MAGI1: variants seen among roughly 807,000 people sequenced by gnomAD.
The protein encoded by MAGI1 is membrane associated guanylate kinase, WW and PDZ domain containing 1, also known as membrane-associated guanylate kinase, WW and PDZ domain-containing protein 1.
MAGI1 carries 58 observed loss-of-function variants against 139.9 expected under a neutral mutation model. The observed-to-expected ratio is 0.41, with a 90% CI of 0.34 to 0.52. The LOEUF (loss-of-function observed/expected upper bound fraction) is 0.52. Among genes scored for constraint, MAGI1 ranks in the 20% least tolerant of loss-of-function variants. MAGI1 has a pLI of 0.12. For synonymous variants in MAGI1, 812 were observed against 737.9 expected (o/e 1.10, Z -1.63); for missense variants, 1,874 against 1,901.6 (o/e 0.99, Z 0.27).
intron 2 of MAGI1, among the ~76,000 whole-genome samples, chr3:65,602,796 C>T (rs548345945): frequency 6.6e-6 from 1 of 151,750 alleles, no homozygotes; most frequent in Admixed American, 6.6e-5. Flanking sequence ...AAAATAGAGA[C>T]AAAAACTGTT....
At chr3:65,915,988 TATA>T (rs1054581308) in intron 1 of MAGI1, among the ~76,000 whole-genome samples, 15 of 148,800 alleles carry the variant, frequency 1.0e-4, no homozygotes, top group Admixed American at 3.4e-4. Flanking sequence ...TGTGAATATA[TATA>T]ATATGTATAT....
At chr3:65,648,238 G>C (rs1294047651) in intron 1 of MAGI1, among the ~76,000 whole-genome samples, 7 of 151,370 alleles carry the variant, frequency 4.6e-5, no homozygotes, top group African/African-American at 1.7e-4. Flanking sequence ...TCAACCTTTT[G>C]AGCTCAAGCA....
At chr3:65,615,011 G>A (rs1220299855) in intron 2 of MAGI1, among the ~76,000 whole-genome samples, 2 of 147,884 alleles carry the variant, frequency 1.4e-5, no homozygotes, top group East Asian at 4.0e-4. Flanking sequence ...GACAGAGTGA[G>A]ACTGTGTCTC....
intron 1 of MAGI1, chr3:65,688,479 A>G (rs1191823508): frequency 8.7e-6 from 4 of 459,464 alleles, no homozygotes; most frequent in African/African-American, 4.0e-5. Context: ...CCTTCCCTTC[A>G]CTCCCTTTCC....
intron 1 of MAGI1, among the ~76,000 whole-genome samples, chr3:65,638,821 G>A: frequency 6.6e-6 from 1 of 151,732 alleles, no homozygotes; most frequent in Non-Finnish European, 1.5e-5. Context: ...TGGCCAGGCT[G>A]GTCTTGAACT....
intron 1 of MAGI1, among the ~76,000 whole-genome samples, chr3:65,759,682 T>C (rs890127821): frequency 2.0e-5 from 3 of 152,202 alleles, no homozygotes; most frequent in Admixed American, 6.5e-5. Flanking sequence ...TTTTCTGTTA[T>C]TAAAGGCATA....
chr3:65,985,969 G>GT (rs2065858335), intron 1 of MAGI1, among the ~76,000 whole-genome samples: 1 of 152,232 alleles, frequency 6.6e-6, no homozygotes, highest in African/African-American at 2.4e-5. Flanking sequence ...ATTAAATGCT[G>GT]TATTTGTAAA....
intron 2 of MAGI1, among the ~76,000 whole-genome samples, chr3:65,505,718 T>C (rs1228442494): frequency 6.6e-6 from 1 of 151,302 alleles, no homozygotes; most frequent in Non-Finnish European, 1.5e-5. Flanking sequence ...TAATGAACAT[T>C]ATTTAAAATT....
At chr3:65,498,196 T>C (rs1277817965) in intron 2 of MAGI1, among the ~76,000 whole-genome samples, 1 of 150,292 alleles carries the variant, frequency 6.7e-6, no homozygotes, top group Non-Finnish European at 1.5e-5. Context: ...ACCATGCTTC[T>C]AACAAAGCCA....
intron 1 of MAGI1, among the ~76,000 whole-genome samples, chr3:65,916,370 G>T (rs543924845): frequency 1.3e-5 from 2 of 152,172 alleles, no homozygotes; most frequent in South Asian, 4.1e-4. Context: ...ACATACCCAA[G>T]ACTGGATAAT....
chr3:65,502,662 C>T (rs1044529749), intron 2 of MAGI1, among the ~76,000 whole-genome samples: 1 of 152,188 alleles, frequency 6.6e-6, no homozygotes, highest in African/African-American at 2.4e-5. Flanking sequence ...GAAATGAAAG[C>T]CCTTCCCCTT....
chr3:65,669,822 C>T (rs998061824), intron 1 of MAGI1, among the ~76,000 whole-genome samples: 1 of 152,182 alleles, frequency 6.6e-6, no homozygotes, highest in Non-Finnish European at 1.5e-5. Flanking sequence ...ATTGTGTAAG[C>T]TGAACCAATT....
At chr3:65,359,989 A>G (rs909480404) in intron 22 of MAGI1, 6 of 985,386 alleles carry the variant, frequency 6.1e-6, no homozygotes. Context: ...CGGCATCTTA[A>G]TGTTGTCAAA....
At chr3:65,496,459 G>A (rs1952461804) in intron 2 of MAGI1, among the ~76,000 whole-genome samples, 1 of 152,176 alleles carries the variant, frequency 6.6e-6, no homozygotes, top group African/African-American at 2.4e-5. Context: ...TAGTGTCCAG[G>A]TGAATGGTAA....
intron 1 of MAGI1, among the ~76,000 whole-genome samples, chr3:65,703,563 C>T (rs2107620098): frequency 6.6e-6 from 1 of 152,354 alleles, no homozygotes; most frequent in Admixed American, 6.5e-5. Flanking sequence ...TCCCAGAAAT[C>T]CAGCTGCCTC....
At chr3:65,558,734 C>T (rs992001439) in intron 2 of MAGI1, among the ~76,000 whole-genome samples, 1 of 152,114 alleles carries the variant, frequency 6.6e-6, no homozygotes, top group Non-Finnish European at 1.5e-5. Flanking sequence ...TCCTGATCTA[C>T]CGAATCAGAA....
intron 1 of MAGI1, among the ~76,000 whole-genome samples, chr3:65,766,564 G>A (rs1398668164): frequency 6.6e-6 from 1 of 152,078 alleles, no homozygotes; most frequent in Non-Finnish European, 1.5e-5. Flanking sequence ...GCCCTTGGCC[G>A]CAAGAATTAT....
intron 6 of MAGI1, 37 bp downstream of exon 6, chr3:65,453,221 C>A (rs749876837): frequency 6.3e-6 from 10 of 1,579,774 alleles, no homozygotes; most frequent in Non-Finnish European, 8.7e-6. Flanking sequence ...AACAGTGCCC[C>A]CAATTCACTT....
At chr3:65,674,625 T>C (rs2087070602) in intron 1 of MAGI1, among the ~76,000 whole-genome samples, 1 of 152,120 alleles carries the variant, frequency 6.6e-6, no homozygotes, top group Non-Finnish European at 1.5e-5. Flanking sequence ...TTCAGAGTCA[T>C]CACCAAAATA....
Sources: gnomAD v4.1 joint callset for allele counts (sites outside exome capture counted in the v4.1 genomes callset) on GRCh38, gnomAD v4.1.1 for gene constraint, MANE v1.5 for transcripts, NCBI Gene and HGNC (gene_info 2026-07-23, HGNC 2026-07-21) for gene names.